The following CACNA2D3 variants were observed in gnomAD, a reference collection of about 807,000 sequenced individuals.
CACNA2D3 encodes the protein calcium voltage-gated channel auxiliary subunit alpha2delta 3.
A neutral mutation model predicts 160.6 loss-of-function variants in CACNA2D3; 60 were observed. The ratio of observed to expected loss-of-function variants is 0.37; its 90% confidence interval spans 0.30 to 0.46. The LOEUF (loss-of-function observed/expected upper bound fraction) is 0.46, where lower values mean the gene tolerates loss of function less well. CACNA2D3 is among the 20% of genes least tolerant of loss of function. The probability of loss-of-function intolerance (pLI) is 1.00; values close to 1 mark genes in which losing one functional copy is unlikely to be tolerated. For synonymous variants in CACNA2D3, 558 were observed against 492.9 expected (o/e 1.13, Z -1.75); for missense variants, 1,205 against 1,365.0 (o/e 0.88, Z 1.85).
intron 2 of CACNA2D3, among the ~76,000 whole-genome samples, chr3:54,177,417 A>G (rs1432863429): frequency 6.6e-6 from 1 of 152,228 alleles, no homozygotes; most frequent in Non-Finnish European, 1.5e-5. Flanking sequence ...GGTAGGTAGA[A>G]CAGTCACATT....
chr3:54,312,169 C>T (rs1703756513), intron 2 of CACNA2D3, among the ~76,000 whole-genome samples: 1 of 152,158 alleles, frequency 6.6e-6, no homozygotes. Flanking sequence ...GACTTCAAGG[C>T]AAACGCTCCA....
At chr3:54,192,150 C>G (rs1700996254) in intron 2 of CACNA2D3, among the ~76,000 whole-genome samples, 1 of 151,580 alleles carries the variant, frequency 6.6e-6, no homozygotes, top group South Asian at 2.1e-4. Flanking sequence ...TCAGCAGTGC[C>G]AAGTGAATCA....
intron 13 of CACNA2D3, among the ~76,000 whole-genome samples, chr3:54,814,016 C>T (rs1238156288): frequency 6.6e-6 from 1 of 151,804 alleles, no homozygotes; most frequent in African/African-American, 2.4e-5. Context: ...CAGCCATGTG[C>T]CACCATTCCC....
chr3:54,346,371 T>C (rs1211588734), intron 3 of CACNA2D3, among the ~76,000 whole-genome samples: 1 of 152,218 alleles, frequency 6.6e-6, no homozygotes, highest in Non-Finnish European at 1.5e-5. Context: ...GACATGGAAT[T>C]GATTTCTCCT....
At chr3:54,763,393 G>A (rs1702119952) in intron 12 of CACNA2D3, among the ~76,000 whole-genome samples, 2 of 151,958 alleles carry the variant, frequency 1.3e-5, no homozygotes, top group Admixed American at 6.6e-5. Context: ...AAGGGACAAC[G>A]TTGATCAAGT....
At chr3:54,567,720 G>A (rs1432042472) in intron 6 of CACNA2D3, among the ~76,000 whole-genome samples, 2 of 152,124 alleles carry the variant, frequency 1.3e-5, no homozygotes, top group Non-Finnish European at 2.9e-5. Context: ...AGTTTTAGTA[G>A]AGATGGGGCT....
chr3:54,545,070 G>C (rs988787905), intron 5 of CACNA2D3, among the ~76,000 whole-genome samples: 4 of 152,160 alleles, frequency 2.6e-5, no homozygotes, highest in Non-Finnish European at 5.9e-5. Flanking sequence ...GTGATGTGCT[G>C]TGTACTTCTG....
At chr3:54,634,959 T>C (rs797001736) in intron 10 of CACNA2D3, among the ~76,000 whole-genome samples, 5 of 152,012 alleles carry the variant, frequency 3.3e-5, no homozygotes, top group African/African-American at 1.2e-4. Context: ...ATAAGAAAAA[T>C]AAAACAAGAT....
At chr3:54,899,395 A>G (rs1399533402) in intron 26 of CACNA2D3, among the ~76,000 whole-genome samples, 1 of 152,236 alleles carries the variant, frequency 6.6e-6, no homozygotes, top group Non-Finnish European at 1.5e-5. Flanking sequence ...ATAATTTCAA[A>G]GCCCTCATAC....
chr3:54,791,383 A>G (rs1457421566), intron 13 of CACNA2D3, among the ~76,000 whole-genome samples: 2 of 152,250 alleles, frequency 1.3e-5, no homozygotes, highest in African/African-American at 4.8e-5. Context: ...AGACAGAAAT[A>G]TGGAGGGAAA....
intron 27 of CACNA2D3, chr3:54,924,661 A>G (rs748661083): frequency 3.7e-5 from 59 of 1,614,028 alleles, no homozygotes; most frequent in Non-Finnish European, 4.7e-5. Flanking sequence ...AGACCGAGCA[A>G]GTGGCAATTG....
intron 17 of CACNA2D3, among the ~76,000 whole-genome samples, chr3:54,850,595 A>G (rs73063754): frequency 0.048 from 7,254 of 152,230 alleles, 379 homozygotes; most frequent in East Asian, 0.21. Context: ...CTTTTAGAAT[A>G]AAGGGACAGC....
At chr3:54,785,271 T>G (rs566408533) in intron 13 of CACNA2D3, among the ~76,000 whole-genome samples, 3 of 152,166 alleles carry the variant, frequency 2.0e-5, no homozygotes, top group Admixed American at 2.0e-4. Flanking sequence ...TTTTGATTTT[T>G]TTTCTCCCCT....
At chr3:55,039,439 A>T (rs926139822) in intron 35 of CACNA2D3, among the ~76,000 whole-genome samples, 2 of 152,246 alleles carry the variant, frequency 1.3e-5, no homozygotes, top group African/African-American at 4.8e-5. Context: ...TGGTAGTGTG[A>T]CAGACATACA....
At chr3:54,219,327 T>G (rs1345497047) in intron 2 of CACNA2D3, among the ~76,000 whole-genome samples, 2 of 152,232 alleles carry the variant, frequency 1.3e-5, no homozygotes, top group Non-Finnish European at 2.9e-5. Context: ...CCTCTCCCCC[T>G]ACTCTTTAAC....
At chr3:54,334,863 C>T (rs1346311369) in intron 3 of CACNA2D3, among the ~76,000 whole-genome samples, 1 of 152,192 alleles carries the variant, frequency 6.6e-6, no homozygotes, top group African/African-American at 2.4e-5. Flanking sequence ...CTGGTTTGGG[C>T]ACCAAACTCA....
intron 11 of CACNA2D3, among the ~76,000 whole-genome samples, chr3:54,656,617 A>C (rs1699878459): frequency 6.6e-6 from 1 of 152,236 alleles, no homozygotes; most frequent in Non-Finnish European, 1.5e-5. Flanking sequence ...AAAAGTGCCC[A>C]GTGTGCAGAA....
chr3:54,821,738 T>C, intron 14 of CACNA2D3, among the ~76,000 whole-genome samples: 1 of 149,476 alleles, frequency 6.7e-6, no homozygotes, highest in Non-Finnish European at 1.5e-5. Context: ...TCTCTCTCTT[T>C]CTCTCTCTCT....
intron 24 of CACNA2D3, among the ~76,000 whole-genome samples, 174 bp from the exon 25 acceptor site, chr3:54,891,181 G>A (rs929113721): frequency 1.2e-4 from 1 of 8,358 alleles, no homozygotes; most frequent in Admixed American, 1.8e-3. Context: ...ATCTGTGCTC[G>A]TGTGTGTGTG....
Sources: allele counts gnomAD v4.1 joint callset (sites outside exome capture counted in the v4.1 genomes callset), GRCh38; gene constraint gnomAD v4.1.1; transcripts MANE v1.5; gene names NCBI Gene and HGNC (gene_info 2026-07-23, HGNC 2026-07-21).